Variants in RORA observed in about 807,000 individuals in gnomAD.
The protein encoded by RORA is nuclear receptor ROR-alpha.
A neutral mutation model predicts 69.5 loss-of-function variants in RORA; 7 were observed. The ratio of observed to expected loss-of-function variants is 0.10; its 90% CI spans 0.06 to 0.19. The LOEUF is 0.19. RORA is among the 10% of genes least tolerant of loss of function. RORA has a pLI of 1.00. For missense variants in RORA, 457 were observed against 663.0 expected (o/e 0.69, Z 3.41); for synonymous variants, 261 against 240.8 (o/e 1.08, Z -0.78).
Position 60,523,333 on chromosome 15 carries a change from G to A in RORA, c.282+8433C>T, listed in dbSNP as rs193222528. 3.4e-3 allele frequency among the ~76,000 whole-genome samples: 523 copies of A among 152,300 alleles called. 1 individual carries two copies. The highest frequency in any genetic ancestry group is 7.2e-3 in the Admixed American group (110 of 15,306). ...GTCTTTCCTCAGTTGTAACCATGCA[G>A]ATAGATGTAGGAGTTCAGCAAAAAT... On this transcript the variant is annotated intron_variant, in intron 3 of 10. Coordinates refer to ENST00000335670, the MANE Select transcript of RORA (RefSeq NM_134261.3).
intron 2 of RORA, among the ~76,000 whole-genome samples, chr15:60,649,211 G>A (rs2070103908): frequency 6.6e-6 from 1 of 151,154 alleles, no homozygotes; most frequent in African/African-American, 2.4e-5. Flanking sequence ...GGACTTAAGT[G>A]TCACTAAGTT....
In RORA at chr15:61,040,949, A is replaced by T. The variant is rs114342749; in HGVS notation, c.166+188104T>A. ...TAATTATGCCTTCCTTTGTAAAACCAGCTATCATATAGATTTTTCTTTGCC... is the reference window on the plus strand; with the variant it reads ...TAATTATGCCTTCCTTTGTAAAACCTGCTATCATATAGATTTTTCTTTGCC... On this transcript the variant is annotated intron_variant, in intron 1 of 10. Coordinates refer to ENST00000335670, the MANE Select transcript of RORA (RefSeq NM_134261.3). 3.9e-3 allele frequency among the ~76,000 whole-genome samples: 597 copies of T among 152,330 alleles called. 2 individuals carry two copies. Among genetic ancestry groups the T allele is most frequent in the African/African-American group, 0.014 (584 of 41,572 alleles).
At chr15:61,193,018 A>G (rs2079814891) in intron 1 of RORA, among the ~76,000 whole-genome samples, 4 of 151,970 alleles carry the variant, frequency 2.6e-5, no homozygotes, top group Admixed American at 2.6e-4. Context: ...TATCAAGTGA[A>G]TAACAATGAA....
intron 1 of RORA, among the ~76,000 whole-genome samples, chr15:60,926,485 TC>T (rs1417690999): frequency 6.6e-6 from 1 of 152,230 alleles, no homozygotes; most frequent in Non-Finnish European, 1.5e-5. Context: ...TGCATTGACT[TC>T]CCAGTGAAAC....
intron 1 of RORA, among the ~76,000 whole-genome samples, chr15:61,084,965 C>T (rs1040127428): frequency 6.6e-6 from 1 of 152,032 alleles, no homozygotes; most frequent in Admixed American, 6.6e-5. Flanking sequence ...GACTCTTAAT[C>T]CTCAACCATA....
At chr15:60,721,980 C>T (rs759124192) in intron 1 of RORA, among the ~76,000 whole-genome samples, 37 of 152,250 alleles carry the variant, frequency 2.4e-4, no homozygotes, top group Non-Finnish European at 4.6e-4. Flanking sequence ...ACAAACTATG[C>T]CTGTATTCAT....
chr15:60,589,773 A>C (rs1463256657), intron 2 of RORA, among the ~76,000 whole-genome samples: 3 of 152,170 alleles, frequency 2.0e-5, no homozygotes, highest in Non-Finnish European at 4.4e-5. Flanking sequence ...CTGATGTTTA[A>C]AAAACATCAG....
At chr15:60,713,032 AACAGACTTTTCATTT>A (rs2071165188) in intron 1 of RORA, among the ~76,000 whole-genome samples, 1 of 152,230 alleles carries the variant, frequency 6.6e-6, no homozygotes, top group African/African-American at 2.4e-5. Flanking sequence ...CAGCAAGGCA[AACAGACTTTTCATTT>A]CCTTTACTTT....
chr15:60,932,008 T>TC (rs1416780081), intron 1 of RORA, among the ~76,000 whole-genome samples: 10 of 151,658 alleles, frequency 6.6e-5, no homozygotes, highest in African/African-American at 2.4e-4. Context: ...CTCAAAGCAA[T>TC]ATCTAGAAAA....
At position 61,021,568 on chromosome 15, in the gene RORA, C is replaced by T. The variant is rs149069600; in HGVS notation, c.166+207485G>A. Reference sequence around the variant, plus strand: ...CAAGGTTCAAACACAGGGAACCTGACCCTGGATCCCACACTCCTAGCCACA... The same window carrying T: ...CAAGGTTCAAACACAGGGAACCTGATCCTGGATCCCACACTCCTAGCCACA... On this transcript the variant is annotated intron_variant, in intron 1 of 10. Transcript: ENST00000335670. 2.8e-3 allele frequency among the ~76,000 whole-genome samples: 423 copies of T among 152,306 alleles called. 1 individual carries two copies. Among genetic ancestry groups the T allele is most frequent in the Non-Finnish European group, 5.1e-3 (348 of 68,028 alleles).
chr15:60,714,985 CT>C (rs1182792288), intron 1 of RORA, among the ~76,000 whole-genome samples: 3 of 152,162 alleles, frequency 2.0e-5, no homozygotes, highest in African/African-American at 7.2e-5. Flanking sequence ...GAATTCAAGT[CT>C]TTTGGCTTCC....
At position 60,497,400 on chromosome 15, in the gene RORA, G is replaced by T. The variant is rs2065194931; in HGVS notation, c.*55C>A. On this transcript the variant is annotated 3_prime_UTR_variant, in exon 11 of 11. Transcript: ENST00000335670. ...ATAAAGTGTCTCGGTTAATTTTTTT[G>T]TTTGTTTTTCATGTTTGTACTTCAG... 6 of 1,534,314 alleles carry T rather than the reference G, an allele frequency of 3.9e-6. No homozygotes were observed. The highest frequency in any genetic ancestry group is 3.4e-5 in the Admixed American group (2 of 58,206).
chr15:60,996,737 C>T (rs1054234335), intron 1 of RORA, among the ~76,000 whole-genome samples: 16 of 152,040 alleles, frequency 1.1e-4, no homozygotes, highest in Middle Eastern at 3.4e-3. Context: ...GGTGAAACCC[C>T]GTCTCTACTA....
At position 61,201,919 on chromosome 15, in the gene RORA, G is replaced by A. The variant is rs989066071; in HGVS notation, c.166+27134C>T. On this transcript the variant is annotated intron_variant, in intron 1 of 10. Coordinates refer to ENST00000335670, the MANE Select transcript of RORA (RefSeq NM_134261.3). ...TCCTCATAACATTACAAGCGAAATC[G>A]AACTGACTATTAGATTCGATGTAAT... Among the ~76,000 whole-genome samples the A allele has an allele frequency of 4.0e-5, 6 of 150,910 alleles. No individual in the cohort carries two copies. The East Asian group carries it at 7.7e-4, about 19-fold the overall frequency.
At chr15:60,779,627 G>C (rs981386293) in intron 1 of RORA, among the ~76,000 whole-genome samples, 1 of 152,226 alleles carries the variant, frequency 6.6e-6, no homozygotes, top group African/African-American at 2.4e-5. Context: ...ATATGAACCT[G>C]TTGGCTAATG....
chr15:60,682,034 GT>G (rs2140754463), intron 1 of RORA: 1 of 152,300 alleles, frequency 6.6e-6, no homozygotes. Flanking sequence ...GAGCTTGCGT[GT>G]ATAGCCCATT....
At chr15:61,030,918 T>C (rs1896132454) in intron 1 of RORA, among the ~76,000 whole-genome samples, 1 of 152,306 alleles carries the variant, frequency 6.6e-6, no homozygotes, top group Non-Finnish European at 1.5e-5. Flanking sequence ...AGTCAGTTTA[T>C]GTATATGTAT....
At chr15:61,196,117 C>G (rs2079843410) in intron 1 of RORA, among the ~76,000 whole-genome samples, 1 of 152,210 alleles carries the variant, frequency 6.6e-6, no homozygotes, top group Non-Finnish European at 1.5e-5. Context: ...TAATAGTAAA[C>G]CAAGGGTCAC....
At chr15:61,129,418 T>A (rs185157889) in intron 1 of RORA, among the ~76,000 whole-genome samples, 1 of 151,846 alleles carries the variant, frequency 6.6e-6, no homozygotes, top group East Asian at 1.9e-4. Context: ...AGACAGAAGG[T>A]AGATTAGTGG....
Sources: gnomAD v4.1 joint callset for allele counts (sites outside exome capture counted in the v4.1 genomes callset) on GRCh38, gnomAD v4.1.1 for gene constraint, MANE v1.5 for transcripts, NCBI Gene and HGNC (gene_info 2026-07-23, HGNC 2026-07-21) for gene names.